Variants in WNT16 observed in about 807,000 individuals in gnomAD.
WNT16 encodes the protein Wnt family member 16, also known as protein Wnt-16.
Under a neutral mutation model 35.4 loss-of-function variants are expected in WNT16, and 20 were observed. That is an observed-to-expected ratio of 0.56 (90% CI 0.40 to 0.82). The LOEUF (loss-of-function observed/expected upper bound fraction) is 0.82. WNT16 is among the 40% of genes least tolerant of loss of function. The pLI, the probability that WNT16 is intolerant of heterozygous loss-of-function variation, is 0.00. For synonymous variants in WNT16, 180 were observed against 179.2 expected (o/e 1.00, Z -0.03); for missense variants, 461 against 466.0 (o/e 0.99, Z 0.10).
Position 121,339,398 on chromosome 7 carries a change from A to C in WNT16, c.*53A>C. ...CCTCAGCAATATACAATGGCATTGC[A>C]ACCAGAGAGGTGCCCATCCCTGTGC... On this transcript the variant is annotated 3_prime_UTR_variant, in exon 4 of 4. Coordinates refer to ENST00000222462, the MANE Select transcript of WNT16 (RefSeq NM_057168.2). The C allele has an allele frequency of 6.6e-7, 1 of 1,523,564 alleles. No individual in the cohort carries two copies. Among genetic ancestry groups the C allele is most frequent in the South Asian group, 1.2e-5 (1 of 83,206 alleles). The allele number at this position is 1,523,564 out of a possible 1,614,324, so 94.4% of individuals were successfully genotyped here.
chr7:121,329,509 T>C, intron 1 of WNT16, 58 bp from the exon 2 acceptor site: 1 of 1,601,708 alleles, frequency 6.2e-7, no homozygotes, highest in Non-Finnish European at 8.5e-7. Context: ...ACCTAATTTT[T>C]CGGAAAACAT....
Position 121,329,757 on chromosome 7 carries a change from G to T in WNT16, c.286G>T (p.Ala96Ser). 6.2e-7 allele frequency: 1 copy of T among 1,607,514 alleles called. No homozygotes were observed. The highest frequency in any genetic ancestry group is 8.5e-7 in the Non-Finnish European group (1 of 1,179,582). The change falls in exon 2 of 4, where the codon GCC (alanine) becomes TCC (serine). Residue 96 changes from alanine to serine, a missense_variant. Physicochemically the swap from Ala to Ser is moderately conservative, Grantham distance 99. Transcript: ENST00000222462. The part of the protein sequence containing the change: ...RHERWNCMIT[A>S]AATTAPMGAS... ...CGAGAGATGGAACTGCATGATCACC[G>T]CCGCCGCCACTACCGCCCCGATGGG... is the stretch of plus-strand genomic sequence containing the variant.
At position 121,329,404 on chromosome 7, in the gene WNT16, C is replaced by A; in HGVS notation, c.95+17C>A. 6.2e-7 allele frequency: 1 copy of A among 1,607,320 alleles called. No individual in the cohort carries two copies. Among genetic ancestry groups the A allele is most frequent in the African/African-American group, 1.3e-5 (1 of 74,908 alleles). On this transcript the variant is annotated intron_variant, in intron 1 of 3. Coordinates refer to ENST00000222462, the MANE Select transcript of WNT16 (RefSeq NM_057168.2). The stretch of plus-strand genomic sequence containing the variant: ...AAACTGGATGTGAGTATGGAGGTGG[C>A]AGGGAAGCATCGGGTAGGTGGCAAA...
chr7:121,332,112 A>G, intron 3 of WNT16, 148 bp downstream of exon 3: 1 of 959,218 alleles, frequency 1.0e-6, no homozygotes, highest in Non-Finnish European at 1.5e-6. Context: ...TTGTTTTTAA[A>G]AGACTACAGC....
chr7:121,338,781 A>C (rs938787196), intron 3 of WNT16, 100 bp from the exon 4 acceptor site: 1 of 988,612 alleles, frequency 1.0e-6, no homozygotes, highest in African/African-American at 1.6e-5. Flanking sequence ...ATTCAAGAGG[A>C]AATAGACCCA....
At chr7:121,331,988 T>C in intron 3 of WNT16, 24 bp downstream of exon 3, 2 of 1,609,882 alleles carry the variant, frequency 1.2e-6, no homozygotes, top group East Asian at 2.2e-5. Context: ...AATGGAATAA[T>C]CAAAACCCAG....
rs1393885656 is a variant in WNT16, at chr7:121,329,108, G to T, written c.-185G>T. 5 of 1,375,764 alleles carry T rather than the reference G, an allele frequency of 3.6e-6. No individual in the cohort carries two copies. The highest frequency in any genetic ancestry group is 4.7e-6 in the Non-Finnish European group (5 of 1,066,932). 85.2% of individuals were successfully genotyped at this position (1,375,764 alleles called of 1,614,324 possible). A position where few individuals can be genotyped will look rare whatever the true frequency, so the allele number is the denominator to read the frequency against. On this transcript the variant is annotated 5_prime_UTR_variant, in exon 1 of 4. Transcript: ENST00000222462. ...GGCTGCTCTCTCCATCTCTCCTACA[G>T]CTCCCTGCAAACGAGGGGGAAGCTG... is the stretch of plus-strand genomic sequence containing the variant.
rs201166937 is a variant in WNT16 at position 121,338,895 on chromosome 7, G to T, written c.648G>T (p.Leu216Phe). ...GTTGGTTTCAGGCTGTCGCCAAGTT[G>T]ATGTCAGTAGACTGCCGCTGCCACG... ...NEAGRQAVAK[L>F]MSVDCRCHGV... The change falls in exon 4 of 4, where the codon TTG (leucine) becomes TTT (phenylalanine). Residue 216 changes from leucine (L) to phenylalanine (F), a missense_variant. Coordinates refer to ENST00000222462, the MANE Select transcript of WNT16 (RefSeq NM_057168.2). 15 of 1,612,578 alleles carry T rather than the reference G, an allele frequency of 9.3e-6. No individual in the cohort carries two copies. Among genetic ancestry groups the T allele is most frequent in the Non-Finnish European group, 5.1e-6 (6 of 1,179,294 alleles).
intron 2 of WNT16, among the ~76,000 whole-genome samples, chr7:121,330,863 A>C (rs1490950866): frequency 6.6e-6 from 1 of 152,196 alleles, no homozygotes; most frequent in African/African-American, 2.4e-5. Flanking sequence ...GAAAGAAAAA[A>C]AAAAAGTCGC....
upstream of WNT16, among the ~76,000 whole-genome samples, chr7:121,326,256 G>C (rs761038631): frequency 5.3e-5 from 8 of 152,112 alleles, no homozygotes; most frequent in Admixed American, 2.0e-4. Context: ...CTCAGAACAT[G>C]AAAGTTCACA....
upstream of WNT16, among the ~76,000 whole-genome samples, chr7:121,328,324 T>C (rs1227003285): frequency 3.3e-5 from 5 of 152,208 alleles, no homozygotes; most frequent in Non-Finnish European, 7.3e-5. Context: ...GTCCCCATCT[T>C]CTGCAGGGGA....
In WNT16 at chr7:121,329,059, C is replaced by T. The variant is rs1458972755; in HGVS notation, c.-234C>T. On this transcript the variant is annotated 5_prime_UTR_variant, in exon 1 of 4. Transcript: ENST00000222462. The stretch of plus-strand genomic sequence containing the variant: ...CTCCCGCATCTCCTGCACATCTCCA[C>T]CCCTGCGCAGGAGGAGATCCCCAGG... 2.4e-6 allele frequency: 3 copies of T among 1,270,508 alleles called. No individual in the cohort carries two copies. The African/African-American group carries it at 4.5e-5, about 19-fold the overall frequency. 78.7% of individuals were successfully genotyped at this position (1,270,508 alleles called of 1,614,324 possible).
chr7:121,339,086 A>G lies in WNT16; in HGVS notation c.839A>G (p.His280Arg), dbSNP rs777618270. 5.0e-6 allele frequency: 8 copies of G among 1,614,086 alleles called. No individual in the cohort carries two copies. In the Middle Eastern group the frequency reaches 8.2e-4, roughly 166 times the overall value. ...REKDQRKIPI[H>R]KDDLLYVNKS... ...AAAGATCAGAGGAAAATACCAATCC[A>G]TAAGGATGATCTGCTCTATGTTAAT... The change falls in exon 4 of 4, where the codon CAT becomes CGT. Residue 280 changes from histidine to arginine, a missense_variant. His to Arg is a conservative substitution (Grantham distance 29). Transcript: ENST00000222462.
Position 121,335,525 on chromosome 7 carries a change from CTAGAG to C in WNT16, c.634-3350_634-3346del, listed in dbSNP as rs536290432. 2.6e-3 allele frequency among the ~76,000 whole-genome samples: 403 copies of C among 152,140 alleles called. 1 individual carries two copies. Among genetic ancestry groups the C allele is most frequent in the African/African-American group, 9.1e-3 (376 of 41,530 alleles). On this transcript the variant is annotated intron_variant, in intron 3 of 3. Transcript: ENST00000222462. ...ATCGTTATAAACCTTAACAACTCAA[CTAGAG>C]TAGAGAAAGGAATTTTCTCATAACC... is the stretch of plus-strand genomic sequence containing the variant.
intron 3 of WNT16, 75 bp downstream of exon 3, chr7:121,332,039 A>AC (rs1793358662): frequency 3.2e-6 from 5 of 1,544,366 alleles, no homozygotes; most frequent in Non-Finnish European, 4.4e-6. Flanking sequence ...TCTGCATGAA[A>AC]CTGTCCAAAT....
Position 121,339,835 on chromosome 7 carries a change from T to C in WNT16, c.*490T>C. 5.4e-6 allele frequency: 1 copy of C among 186,742 alleles called. No individual in the cohort carries two copies. The highest frequency in any genetic ancestry group is 1.9e-4 in the South Asian group (1 of 5,388). 11.6% of individuals were successfully genotyped at this position (186,742 alleles called of 1,614,324 possible). On this transcript the variant is annotated 3_prime_UTR_variant, in exon 4 of 4. Transcript: ENST00000222462. Reference sequence around the variant, plus strand: ...TATTTTAACTGAAGAAATTATACTGTTTGTGTGTGGATAGAAGATGTTGAA... The same window carrying C: ...TATTTTAACTGAAGAAATTATACTGCTTGTGTGTGGATAGAAGATGTTGAA...
At chr7:121,325,406 A>C, upstream of WNT16, 1 of 1,542,420 alleles carries the variant, frequency 6.5e-7, no homozygotes, top group Non-Finnish European at 8.8e-7. Flanking sequence ...AGAAAGATGG[A>C]AAGGCACCCA....
intron 3 of WNT16, among the ~76,000 whole-genome samples, chr7:121,334,683 C>T (rs1354935588): frequency 6.6e-6 from 1 of 152,076 alleles, no homozygotes; most frequent in African/African-American, 2.4e-5. Context: ...ACCTTAAATA[C>T]TCTGATTCCC....
chr7:121,330,942 A>C (rs1793336252), intron 2 of WNT16, among the ~76,000 whole-genome samples: 1 of 152,082 alleles, frequency 6.6e-6, no homozygotes, highest in Admixed American at 6.6e-5. Flanking sequence ...ATTTTAGCTC[A>C]AACTCTACTG....
Sources: gnomAD v4.1 joint callset for allele counts (sites outside exome capture counted in the v4.1 genomes callset) on GRCh38, gnomAD v4.1.1 for gene constraint, MANE v1.5 for transcripts, NCBI Gene and HGNC (gene_info 2026-07-23, HGNC 2026-07-21) for gene names.